Variants in ATG16L2 observed in about 807,000 individuals in gnomAD.
ATG16L2 encodes the protein autophagy related 16 like 2.
A neutral mutation model predicts 84.7 loss-of-function variants in ATG16L2; 77 were observed. That is an observed-to-expected ratio of 0.91 (90% CI 0.76 to 1.10). The LOEUF (loss-of-function observed/expected upper bound fraction) is 1.10, where lower values mean the gene tolerates loss of function less well. ATG16L2 is among the 50% of genes least tolerant of loss of function. The pLI is 0.00. For missense variants in ATG16L2, 782 were observed against 817.6 expected (o/e 0.96, Z 0.53); for synonymous variants, 361 against 342.8 (o/e 1.05, Z -0.59).
rs576236787 is a variant in ATG16L2 at position 72,826,077 on chromosome 11, G to T, written c.1103-96G>T. On this transcript the variant is annotated intron_variant, in intron 10 of 17. Transcript: ENST00000321297. ...TTCTAACCTGGGGATGTGTCGGGGGGTGGGGCGGGAACTGATCTTCCGCTC... is the reference window on the plus strand; with the variant it reads ...TTCTAACCTGGGGATGTGTCGGGGGTTGGGGCGGGAACTGATCTTCCGCTC... 4 of 995,656 alleles carry T rather than the reference G, an allele frequency of 4.0e-6. No individual in the cohort carries two copies. In the East Asian group the frequency reaches 7.8e-5, roughly 19 times the overall value. The allele number at this position is 995,656 out of a possible 1,614,324, so 61.7% of individuals were successfully genotyped here. A position where few individuals can be genotyped will look rare whatever the true frequency, so the allele number is the denominator to read the frequency against.
chr11:72,815,084 C>T (rs942004436), intron 1 of ATG16L2, among the ~76,000 whole-genome samples: 4 of 152,264 alleles, frequency 2.6e-5, no homozygotes, highest in Non-Finnish European at 4.4e-5. Context: ...ACCTCCCTGT[C>T]AGCCTACCCA....
At position 72,828,384 on chromosome 11, in the gene ATG16L2, C is replaced by A; in HGVS notation, c.1498C>A (p.Pro500Thr). ...GGGGCCCCACTGCACCCAGGTCATC[C>A]CTGTGCAGGGCCGGGTCACCTCCCT... is the stretch of plus-strand genomic sequence containing the variant. ...SRGPHCTQVIPVQGRVTSLSL... is the reference protein window; with the variant it reads ...SRGPHCTQVITVQGRVTSLSL... Residue 500 changes from proline to threonine, a missense_variant, in exon 15 of 18, where the codon CCT becomes ACT. Transcript: ENST00000321297. The A allele has an allele frequency of 6.2e-7, 1 of 1,614,204 alleles. No homozygotes were observed. Among genetic ancestry groups the A allele is most frequent in the Non-Finnish European group, 8.5e-7 (1 of 1,180,026 alleles).
At chr11:72,824,654 G>C in intron 8 of ATG16L2, 80 bp from the exon 9 acceptor site, 1 of 1,003,610 alleles carries the variant, frequency 1.0e-6, no homozygotes, top group Non-Finnish European at 1.6e-6. Flanking sequence ...TCCTATGGTT[G>C]ATGCCTCAGG....
chr11:72,832,139 C>T (rs1426469115), downstream of ATG16L2, among the ~76,000 whole-genome samples: 2 of 152,184 alleles, frequency 1.3e-5, no homozygotes, highest in South Asian at 2.1e-4. Flanking sequence ...AGGCCAGCTG[C>T]GCCATTGCGT....
chr11:72,822,850 G>T lies in ATG16L2; in HGVS notation c.713G>T (p.Gly238Val), dbSNP rs775402637. The change falls in exon 7 of 18, where the codon GGC becomes GTC. Residue 238 changes from glycine (G) to valine (V), a missense_variant and splice_region_variant. Physicochemically the swap from Gly to Val is moderately radical, Grantham distance 109. Transcript: ENST00000321297. The surrounding 1 kb of genome is among the most constrained non-coding windows in gnomAD (Gnocchi z 4.2). ...AAKRTVSISE[G>V]PDTLGDGMRE... Reference sequence around the variant, plus strand: ...CTGAACTTCATTACCTCTCCTAGGGGCCCGGACACCCTAGGCGATGGGATG... The same window carrying T: ...CTGAACTTCATTACCTCTCCTAGGGTCCCGGACACCCTAGGCGATGGGATG... The T allele has an allele frequency of 7.9e-5, 123 of 1,554,886 alleles. No individual in the cohort carries two copies. Among genetic ancestry groups the T allele is most frequent in the Non-Finnish European group, 5.9e-5 (68 of 1,148,648 alleles).
At chr11:72,840,979 A>G (rs763589419) in intron 5 of ATG16L2, 2 of 1,589,822 alleles carry the variant, frequency 1.3e-6, no homozygotes. Flanking sequence ...AAAACCAAAG[A>G]AGCTCATTTT....
downstream of ATG16L2, among the ~76,000 whole-genome samples, chr11:72,831,196 TTTA>T (rs1860598583): frequency 6.6e-6 from 1 of 152,174 alleles, no homozygotes; most frequent in African/African-American, 2.4e-5. Flanking sequence ...TCAGGAAATG[TTTA>T]TTAAGTGGTT....
rs752470673 is a variant in ATG16L2, at chr11:72,814,577, G to A, written c.118+14G>A. 4.6e-5 allele frequency: 72 copies of A among 1,548,754 alleles called. No individual in the cohort carries two copies. The highest frequency in any genetic ancestry group is 6.0e-5 in the Non-Finnish European group (68 of 1,141,450). On this transcript the variant is annotated intron_variant, in intron 1 of 17. Transcript: ENST00000321297. Reference sequence around the variant, plus strand: ...TGGTGCCGGCCTGTGAGTGCGCCCCGGTGCTGAGAGGATGGCGGCTGAGGG... The same window carrying A: ...TGGTGCCGGCCTGTGAGTGCGCCCCAGTGCTGAGAGGATGGCGGCTGAGGG...
intron 4 of ATG16L2, 142 bp downstream of exon 4, chr11:72,821,883 A>G: frequency 7.0e-7 from 1 of 1,422,494 alleles, no homozygotes; most frequent in Non-Finnish European, 9.2e-7. Flanking sequence ...CAGAGGACCG[A>G]ACGGCTGGGC....
At chr11:72,830,485 TTTGTTGTTG>T (rs975422985), downstream of ATG16L2, among the ~76,000 whole-genome samples, 1 of 152,116 alleles carries the variant, frequency 6.6e-6, no homozygotes, top group African/African-American at 2.4e-5. Flanking sequence ...CAGAGTGACT[TTTGTTGTTG>T]TTGTTGTTGC....
Position 72,821,729 on chromosome 11 carries a change from A to G in ATG16L2, c.380A>G (p.Gln127Arg), listed in dbSNP as rs758449802. The G allele has an allele frequency of 1.3e-6, 2 of 1,536,194 alleles. No homozygotes were observed. Among genetic ancestry groups the G allele is most frequent in the Non-Finnish European group, 1.7e-6 (2 of 1,145,452 alleles). Residue 127 changes from glutamine to arginine, a missense_variant, in exon 4 of 18, where the codon CAG becomes CGG. Physicochemically the swap from Gln to Arg is conservative, Grantham distance 43. Transcript: ENST00000321297. ...ALGTLESELQ[Q>R]RQSRLAALEA... is the part of the protein sequence containing the mutation. ...GGCACGCTGGAGTCGGAGCTGCAGC[A>G]GAGGCAAAGCAGGTGAGGCGCGGGC...
At position 72,816,819 on chromosome 11, in the gene ATG16L2, G is replaced by T. The variant is rs1373454585; in HGVS notation, c.210G>T (p.Gln70His). ...EPNSVTPTTHQGPWEESELDS... is the reference protein window; with the variant it reads ...EPNSVTPTTHHGPWEESELDS... Reference sequence around the variant, plus strand: ...ACAGTGTCACTCCCACCACCCACCAGGGCCCCTGGTAAGTGTATGTGGGTC... The same window carrying T: ...ACAGTGTCACTCCCACCACCCACCATGGCCCCTGGTAAGTGTATGTGGGTC... Residue 70 changes from glutamine (Q) to histidine (H), a missense_variant, in exon 2 of 18, where the codon CAG becomes CAT. By Grantham distance (24) the Gln-to-His change is conservative. Coordinates refer to ENST00000321297, the MANE Select transcript of ATG16L2 (RefSeq NM_033388.2). The T allele has an allele frequency of 6.2e-7, 1 of 1,614,130 alleles. No homozygotes were observed. Among genetic ancestry groups the T allele is most frequent in the Non-Finnish European group, 8.5e-7 (1 of 1,179,962 alleles).
chr11:72,821,961 T>G, intron 4 of ATG16L2, 83 bp from the exon 5 acceptor site: 1 of 1,437,298 alleles, frequency 7.0e-7, no homozygotes, highest in Non-Finnish European at 9.1e-7. Context: ...CATGGGCAGG[T>G]CTGTCTCTGC....
rs1162611001 is a variant in ATG16L2 at position 72,822,452 on chromosome 11, T to C, written c.645-26T>C. 6.2e-7 allele frequency: 1 copy of C among 1,611,480 alleles called. No individual in the cohort carries two copies. Among genetic ancestry groups the C allele is most frequent in the East Asian group, 2.2e-5 (1 of 44,776 alleles). On this transcript the variant is annotated intron_variant, in intron 5 of 17. Coordinates refer to ENST00000321297, the MANE Select transcript of ATG16L2 (RefSeq NM_033388.2). The surrounding 1 kb of genome is among the most constrained non-coding windows in gnomAD (Gnocchi z 4.2). The stretch of plus-strand genomic sequence containing the variant: ...CTGCGTGCGAGGCGCCGCGCCAGGG[T>C]CTCAGGATGCTTTTTACCCAACAAG...
chr11:72,840,539 T>C (rs756225861), intron 5 of ATG16L2, among the ~76,000 whole-genome samples: 7 of 152,124 alleles, frequency 4.6e-5, no homozygotes, highest in Non-Finnish European at 8.8e-5. Context: ...AAGAGGCAAA[T>C]AGAGGCCTGG....
intron 10 of ATG16L2, 58 bp from the exon 11 acceptor site, chr11:72,826,115 C>A (rs1012277808): frequency 7.0e-7 from 1 of 1,418,760 alleles, no homozygotes; most frequent in African/African-American, 1.4e-5. Flanking sequence ...AATCCCAATT[C>A]CTCCATTTTG....
intron 5 of ATG16L2, chr11:72,837,425 C>T (rs900134316): frequency 6.6e-6 from 1 of 151,154 alleles, no homozygotes; most frequent in African/African-American, 2.4e-5. Flanking sequence ...CATAATACAA[C>T]TTGTAGATTA....
At chr11:72,838,998 G>C in intron 5 of ATG16L2, 1 of 741,436 alleles carries the variant, frequency 1.3e-6, no homozygotes, top group South Asian at 1.7e-5. Flanking sequence ...GAAATGTTGT[G>C]AGCACGTGCT....
rs200687115 is a variant in ATG16L2, at chr11:72,840,916, T to C, written c.*22-1701T>C. 2.7e-5 allele frequency: 43 copies of C among 1,613,420 alleles called. No homozygotes were observed. In the East Asian group the frequency reaches 9.1e-4, roughly 34 times the overall value. ...CATATGAGGTCTCAGGAGTATGCCT[T>C]GATGCCTGTGAGAATCCTGGTGACT... is the stretch of plus-strand genomic sequence containing the variant. On this transcript the variant is annotated intron_variant, in intron 5 of 5. Coordinates refer to the ATG16L2 transcript ENST00000534905.
Sources: gnomAD v4.1 joint callset for allele counts (sites outside exome capture counted in the v4.1 genomes callset) on GRCh38, gnomAD v4.1.1 for gene constraint, Gnocchi (gnomAD v3.1) non-coding constraint, MANE v1.5 for transcripts, NCBI Gene and HGNC (gene_info 2026-07-23, HGNC 2026-07-21) for gene names.